Variants in B4GALNT3 observed in about 807,000 individuals in gnomAD.
The protein encoded by B4GALNT3 is beta-1,4-N-acetyl-galactosaminyltransferase 3.
A neutral mutation model predicts 120.2 loss-of-function variants in B4GALNT3; 86 were observed. The ratio of observed to expected loss-of-function variants is 0.72; its 90% confidence interval spans 0.60 to 0.86. The LOEUF (loss-of-function observed/expected upper bound fraction) is 0.86, where lower values mean the gene tolerates loss of function less well. B4GALNT3 is among the 40% of genes least tolerant of loss of function. B4GALNT3 has a pLI of 0.00. For missense variants in B4GALNT3, 1,167 were observed against 1,298.9 expected (o/e 0.90, Z 1.56); for synonymous variants, 518 against 510.4 (o/e 1.01, Z -0.20).
Position 548,331 on chromosome 12 carries a change from G to A in B4GALNT3, c.853+34G>A. 1 of 1,597,888 alleles carries A rather than the reference G, an allele frequency of 6.3e-7. No homozygotes were observed. The highest frequency in any genetic ancestry group is 8.6e-7 in the Non-Finnish European group (1 of 1,165,262). On this transcript the variant is annotated intron_variant, in intron 9 of 19. Coordinates refer to ENST00000266383, the MANE Select transcript of B4GALNT3 (RefSeq NM_173593.4). This position sits in a 1 kb window ranked among gnomAD's most constrained non-coding sequence, Gnocchi z 4.9. ...GCTCTGGCCCTGCCCTGGAGATGGAGGCCAGGTGGGGACAGCCTACCCTGG... is the reference window on the plus strand; with the variant it reads ...GCTCTGGCCCTGCCCTGGAGATGGAAGCCAGGTGGGGACAGCCTACCCTGG...
At chr12:494,776 G>T (rs577088847) in intron 1 of B4GALNT3, among the ~76,000 whole-genome samples, 6 of 152,118 alleles carry the variant, frequency 3.9e-5, no homozygotes, top group African/African-American at 1.4e-4. Flanking sequence ...AGGCAGTGAT[G>T]GGGGGAGTAA....
chr12:508,556 G>A (rs765525133), intron 1 of B4GALNT3, among the ~76,000 whole-genome samples: 9 of 152,154 alleles, frequency 5.9e-5, no homozygotes, highest in Non-Finnish European at 1.0e-4. Flanking sequence ...TTATACCCGA[G>A]GTTTGGTTCT....
At chr12:522,597 C>G (rs1353107005) in intron 1 of B4GALNT3, among the ~76,000 whole-genome samples, 1 of 151,968 alleles carries the variant, frequency 6.6e-6, no homozygotes, top group African/African-American at 2.4e-5. Context: ...TGGTGGTGAA[C>G]AACAGTTTGA....
rs117211312 is a variant in B4GALNT3, at chr12:486,960, C to G, written c.169+26415C>G. On this transcript the variant is annotated intron_variant, in intron 1 of 19. Transcript: ENST00000266383. ...GAAAAAAGTAGACAACATGCAAGAA[C>G]AGATGGCTAATGTAAGCAGAAAGAT... Among the ~76,000 whole-genome samples, 254 of 152,126 alleles carry G rather than the reference C, an allele frequency of 1.7e-3. 7 individuals carry two copies. The East Asian group carries it at 0.04, about 24-fold the overall frequency.
chr12:479,295 C>T (rs1459525930), intron 1 of B4GALNT3, among the ~76,000 whole-genome samples: 1 of 152,200 alleles, frequency 6.6e-6, no homozygotes, highest in Non-Finnish European at 1.5e-5. Context: ...ATCATCCGAC[C>T]TCAGCCGCCA....
At chr12:519,060 G>T (rs1395474971) in intron 1 of B4GALNT3, among the ~76,000 whole-genome samples, 1 of 152,152 alleles carries the variant, frequency 6.6e-6, no homozygotes, top group Non-Finnish European at 1.5e-5. Flanking sequence ...ACTGATCCAA[G>T]AAGCCAATTC....
chr12:481,831 C>T (rs529908838), intron 1 of B4GALNT3, among the ~76,000 whole-genome samples: 1 of 152,106 alleles, frequency 6.6e-6, no homozygotes, highest in Non-Finnish European at 1.5e-5. Flanking sequence ...GGATGAGGGT[C>T]CCTCTGCACA....
At chr12:526,140 A>G (rs776692711) in intron 1 of B4GALNT3, among the ~76,000 whole-genome samples, 6 of 152,132 alleles carry the variant, frequency 3.9e-5, no homozygotes, top group Non-Finnish European at 5.9e-5. Context: ...TCCTAACTGC[A>G]CCTAGGGAAG....
chr12:511,565 GCCTTCGACCTTCTTCCACCTTCC>G (rs1946561608), intron 1 of B4GALNT3, among the ~76,000 whole-genome samples: 1 of 48,878 alleles, frequency 2.0e-5, no homozygotes, highest in Non-Finnish European at 3.8e-5. Flanking sequence ...TCCACCTTCC[GCCTTCGACCTTCTTCCACCTTCC>G]ACCTTCCGCC....
chr12:526,286 C>T (rs897467895), intron 1 of B4GALNT3, among the ~76,000 whole-genome samples: 4 of 152,218 alleles, frequency 2.6e-5, no homozygotes, highest in African/African-American at 9.6e-5. Flanking sequence ...CATTCTTTCT[C>T]AGCCTGCTGA....
intron 1 of B4GALNT3, among the ~76,000 whole-genome samples, chr12:501,472 T>G (rs1310745235): frequency 2.6e-5 from 4 of 152,062 alleles, no homozygotes; most frequent in African/African-American, 9.7e-5. Flanking sequence ...TCCCAGCTAC[T>G]CGGGAGGCTG....
At chr12:546,821 C>T (rs1947013458) in intron 7 of B4GALNT3, 108 bp downstream of exon 7, 3 of 1,123,830 alleles carry the variant, frequency 2.7e-6, no homozygotes, top group South Asian at 2.7e-5. Context: ...TCCGTGTGTC[C>T]GGCACCCACA....
chr12:547,067 C>T (rs1015540783), intron 7 of B4GALNT3, among the ~76,000 whole-genome samples: 14 of 152,232 alleles, frequency 9.2e-5, no homozygotes, highest in Non-Finnish European at 1.8e-4. Flanking sequence ...TCTGGGGACA[C>T]GAGTCCCTTT....
At chr12:555,563 T>C (rs1212319056) in intron 14 of B4GALNT3, 23 of 343,046 alleles carry the variant, frequency 6.7e-5, no homozygotes, top group African/African-American at 2.2e-5. Flanking sequence ...GCACAAGCTT[T>C]TATGTGAACA....
chr12:500,178 C>T (rs971892882), intron 1 of B4GALNT3, among the ~76,000 whole-genome samples: 1 of 152,090 alleles, frequency 6.6e-6, no homozygotes, highest in Non-Finnish European at 1.5e-5. Context: ...GGGTCTTGCT[C>T]TGTCACCCAG....
At chr12:464,432 C>T (rs1332087902) in intron 1 of B4GALNT3, among the ~76,000 whole-genome samples, 1 of 151,866 alleles carries the variant, frequency 6.6e-6, no homozygotes, top group Admixed American at 6.6e-5. Context: ...GAGTTCGAGA[C>T]CAGCCTGGCC....
intron 1 of B4GALNT3, among the ~76,000 whole-genome samples, chr12:488,298 C>G (rs116202808): frequency 0.012 from 1,886 of 152,134 alleles, 31 homozygotes; most frequent in African/African-American, 0.043. Context: ...AAAAGTAGTT[C>G]TTTAAAGAGA....
intron 3 of B4GALNT3, among the ~76,000 whole-genome samples, chr12:538,500 A>G (rs1371218685): frequency 6.7e-6 from 1 of 148,258 alleles, no homozygotes; most frequent in Non-Finnish European, 1.5e-5. Flanking sequence ...TTAAGGCTTC[A>G]GTGAGCCGAG....
chr12:539,548 A>AG, intron 3 of B4GALNT3, among the ~76,000 whole-genome samples: 1 of 152,120 alleles, frequency 6.6e-6, no homozygotes, highest in Middle Eastern at 3.4e-3. Context: ...AAAAAAAAAA[A>AG]AAAGAAAGAA....
Sources: gnomAD v4.1 joint callset for allele counts (sites outside exome capture counted in the v4.1 genomes callset) on GRCh38, gnomAD v4.1.1 for gene constraint, Gnocchi (gnomAD v3.1) non-coding constraint, MANE v1.5 for transcripts, NCBI Gene and HGNC (gene_info 2026-07-23, HGNC 2026-07-21) for gene names.